The following XPC variants were observed in gnomAD, a reference collection of about 807,000 sequenced individuals.
XPC encodes DNA repair protein complementing XP-C cells.
XPC carries 76 observed loss-of-function variants against 95.8 expected under a neutral mutation model. That is an observed-to-expected ratio of 0.79 (90% CI 0.66 to 0.96). The LOEUF is 0.96. Ranked by LOEUF, XPC falls within the 40% of genes least tolerant of loss-of-function variation. The pLI, the probability that XPC is intolerant of heterozygous loss-of-function variation, is 0.00. For missense variants in XPC, 1,146 were observed against 1,179.8 expected, an observed-to-expected ratio of 0.97 and a Z score of 0.42; for synonymous variants, 442 against 442.1, an observed-to-expected ratio of 1.00 and a Z score of 0.00.
chr3:14,151,356 T>C (rs1207841873), intron 11 of XPC: 3 of 152,364 alleles, frequency 2.0e-5, no homozygotes, highest in Non-Finnish European at 2.9e-5. Flanking sequence ...TTTTGGTTTT[T>C]AATGTAGCTA....
At chr3:14,155,377 C>T (rs988436222) in intron 10 of XPC, among the ~76,000 whole-genome samples, 1 of 152,094 alleles carries the variant, frequency 6.6e-6, no homozygotes, top group African/African-American at 2.4e-5. Flanking sequence ...ATTTTACTTG[C>T]TTTTTATTCC....
At chr3:14,151,223 G>T (rs911250152) in intron 11 of XPC, 2 of 152,188 alleles carry the variant, frequency 1.3e-5, no homozygotes, top group Non-Finnish European at 2.9e-5. Flanking sequence ...ATACACAGAA[G>T]ATTAGAGAGA....
Position 14,170,559 on chromosome 3 carries a change from A to C in XPC, c.300-9T>G. On this transcript the variant is annotated splice_polypyrimidine_tract_variant and intron_variant, in intron 2 of 15. Coordinates refer to ENST00000285021, the MANE Select transcript of XPC (RefSeq NM_004628.5). The stretch of plus-strand genomic sequence containing the variant: ...GGTCACTTGGAAAGTCCCTGTGTAA[A>C]GACCACAGGAAGGAAGATGAAGAAG... 6.3e-7 allele frequency: 1 copy of C among 1,593,754 alleles called. No homozygotes were observed. Among genetic ancestry groups the C allele is most frequent in the Non-Finnish European group, 8.6e-7 (1 of 1,167,188 alleles).
At chr3:14,148,242 C>A (rs1479328672) in intron 13 of XPC, 9 of 579,784 alleles carry the variant, frequency 1.6e-5, no homozygotes, top group Non-Finnish European at 2.7e-5. Context: ...CCAGCCTCAC[C>A]CATCATGGAA....
intron 7 of XPC, among the ~76,000 whole-genome samples, chr3:14,160,966 A>T (rs1014590910): frequency 1.4e-4 from 21 of 152,332 alleles, no homozygotes; most frequent in African/African-American, 5.1e-4. Flanking sequence ...GACTCTGGAA[A>T]CAGTCTAGTG....
chr3:14,160,603 G>A (rs1273275001), intron 7 of XPC, among the ~76,000 whole-genome samples: 1 of 152,184 alleles, frequency 6.6e-6, no homozygotes, highest in African/African-American at 2.4e-5. Context: ...AAGTGTCAAG[G>A]TCATGAAAGA....
rs1695377016 is a variant in XPC, at chr3:14,145,437, T to C, written c.*504A>G. ...AAAGAGGCAGTGAGGGCAGCATTAG[T>C]AAGCCTGACTCAGGGGAAGGTAAGT... On this transcript the variant is annotated 3_prime_UTR_variant, in exon 16 of 16. Coordinates refer to ENST00000285021, the MANE Select transcript of XPC (RefSeq NM_004628.5). 2.9e-6 allele frequency: 2 copies of C among 695,846 alleles called. No homozygotes were observed. The highest frequency in any genetic ancestry group is 5.2e-6 in the Non-Finnish European group (2 of 381,304). The allele number at this position is 695,846 out of a possible 1,614,324, so 43.1% of individuals were successfully genotyped here. A position where few individuals can be genotyped will look rare whatever the true frequency, so the allele number is the denominator to read the frequency against.
intron 2 of XPC, 46 bp downstream of exon 2, chr3:14,172,821 G>A: frequency 1.3e-6 from 2 of 1,579,362 alleles, no homozygotes; most frequent in East Asian, 4.5e-5. Flanking sequence ...ACAATTCTCT[G>A]ATGAGAAAAA....
chr3:14,174,204 C>T (rs1285223325), intron 1 of XPC, among the ~76,000 whole-genome samples: 1 of 152,110 alleles, frequency 6.6e-6, no homozygotes, highest in African/African-American at 2.4e-5. Context: ...CATTTTTAAA[C>T]ATTGTATGGA....
rs902672065 is a variant in XPC, at chr3:14,147,682, A to G, written c.2514+226T>C. On this transcript the variant is annotated intron_variant, in intron 14 of 15. Coordinates refer to ENST00000285021, the MANE Select transcript of XPC (RefSeq NM_004628.5). ...AGAGGCAGGTGTGGGCAGCAGGGGC[A>G]GTAGACCCCAGAGCCCGGACCCAGG... 5 of 597,478 alleles carry G rather than the reference A, an allele frequency of 8.4e-6. 1 individual carries two copies. The South Asian group carries it at 1.0e-4, about 13-fold the overall frequency. 37.0% of individuals were successfully genotyped at this position (597,478 alleles called of 1,614,324 possible). A position where few individuals can be genotyped will look rare whatever the true frequency, so the allele number is the denominator to read the frequency against.
intron 7 of XPC, among the ~76,000 whole-genome samples, chr3:14,161,121 T>C (rs200972925): frequency 6.6e-6 from 1 of 152,150 alleles, no homozygotes; most frequent in East Asian, 1.9e-4. Flanking sequence ...AACATACATA[T>C]ATGACCAAAC....
intron 14 of XPC, 182 bp from the exon 15 acceptor site, chr3:14,147,561 G>A (rs904649727): frequency 3.1e-6 from 2 of 648,654 alleles, no homozygotes; most frequent in Non-Finnish European, 5.2e-6. Context: ...TACTATACCT[G>A]AAAGCCACAA....
intron 6 of XPC, among the ~76,000 whole-genome samples, 162 bp downstream of exon 6, chr3:14,165,266 G>C (rs530544513): frequency 1.1e-4 from 17 of 152,162 alleles, no homozygotes; most frequent in Non-Finnish European, 1.6e-4. Flanking sequence ...CTCTACCAGG[G>C]CAAGATCATA....
intron 8 of XPC, among the ~76,000 whole-genome samples, chr3:14,159,116 C>T (rs902892486): frequency 2.0e-5 from 3 of 152,224 alleles, no homozygotes; most frequent in East Asian, 1.9e-4. Context: ...ATTCTTTTCA[C>T]CCTAACTGTA....
chr3:14,148,500 C>A, intron 13 of XPC, 62 bp downstream of exon 13: 1 of 1,586,344 alleles, frequency 6.3e-7, no homozygotes, highest in Non-Finnish European at 8.6e-7. Flanking sequence ...TTTCCATCCC[C>A]ATCTCTGGAG....
intron 7 of XPC, among the ~76,000 whole-genome samples, chr3:14,162,945 T>C (rs758480517): frequency 3.3e-5 from 5 of 152,052 alleles, no homozygotes; most frequent in Non-Finnish European, 4.4e-5. Flanking sequence ...AATTAAAAAA[T>C]AGGCAAATAC....
intron 1 of XPC, 56 bp downstream of exon 1, chr3:14,178,410 G>A: frequency 6.5e-7 from 1 of 1,542,532 alleles, no homozygotes; most frequent in Middle Eastern, 2.0e-4. Flanking sequence ...CTGCCTCTGG[G>A]CCTCCTCCGC....
In XPC at chr3:14,145,198, C is replaced by T; in HGVS notation, c.*743G>A. The T allele has an allele frequency of 1.8e-6, 1 of 558,738 alleles. No individual in the cohort carries two copies. The highest frequency in any genetic ancestry group is 3.2e-6 in the Non-Finnish European group (1 of 314,416). The allele number at this position is 558,738 out of a possible 1,614,324, so 34.6% of individuals were successfully genotyped here. A position where few individuals can be genotyped will look rare whatever the true frequency, so the allele number is the denominator to read the frequency against. ...CAAAATGTTATAAAAGTCATTTCTCCTTAGTACAGAGAGCTTTATACATTT... is the reference window on the plus strand; with the variant it reads ...CAAAATGTTATAAAAGTCATTTCTCTTTAGTACAGAGAGCTTTATACATTT... On this transcript the variant is annotated 3_prime_UTR_variant, in exon 16 of 16. Transcript: ENST00000285021.
In XPC at chr3:14,158,113, C is replaced by T. The variant is rs1695994268; in HGVS notation, c.1770G>A (p.Met590Ile). ...CAACCCGGCACTTGCGGGTCACTGT[C>T]ATCCAGACTGGGTCGTACCTCTGTG... ...DVTQRYDPVWMTVTRKCRVDA... is the reference protein window; with the variant it reads ...DVTQRYDPVWITVTRKCRVDA... Residue 590 changes from methionine to isoleucine, a missense_variant, in exon 9 of 16, where the codon ATG (methionine) becomes ATA (isoleucine). Transcript: ENST00000285021. This position sits in a 1 kb window ranked among gnomAD's most constrained non-coding sequence, Gnocchi z 5.2. 3 of 1,613,890 alleles carry T rather than the reference C, an allele frequency of 1.9e-6. No individual in the cohort carries two copies. In the South Asian group the frequency reaches 3.3e-5, roughly 18 times the overall value.
Sources: gnomAD v4.1 joint callset for allele counts (sites outside exome capture counted in the v4.1 genomes callset) on GRCh38, gnomAD v4.1.1 for gene constraint, Gnocchi (gnomAD v3.1) non-coding constraint, MANE v1.5 for transcripts, NCBI Gene and HGNC (gene_info 2026-07-23, HGNC 2026-07-21) for gene names.